Variants in NAALADL2 observed in about 807,000 individuals in gnomAD.
NAALADL2 encodes the protein inactive N-acetylated-alpha-linked acidic dipeptidase-like protein 2.
In NAALADL2, 76 loss-of-function variants were observed where a neutral mutation model predicts 87.2. That is an observed-to-expected ratio of 0.87 (90% CI 0.72 to 1.05). The LOEUF is 1.05. Among genes scored for constraint, NAALADL2 ranks in the 50% least tolerant of loss-of-function variants. The pLI, the probability that NAALADL2 is intolerant of heterozygous loss-of-function variation, is 0.00. For synonymous variants in NAALADL2, 354 were observed against 331.0 expected, an observed-to-expected ratio of 1.07 and a Z score of -0.75; for missense variants, 1,089 against 945.8, an observed-to-expected ratio of 1.15 and a Z score of -1.99.
At chr3:174,640,867 G>A (rs561403625) in intron 2 of NAALADL2, among the ~76,000 whole-genome samples, 9 of 152,270 alleles carry the variant, frequency 5.9e-5, no homozygotes, top group African/African-American at 7.2e-5. Context: ...CATGGACTCC[G>A]GTTTCAAATT....
intron 2 of NAALADL2, among the ~76,000 whole-genome samples, chr3:175,200,253 G>C (rs909930969): frequency 1.3e-5 from 2 of 152,006 alleles, no homozygotes; most frequent in Non-Finnish European, 2.9e-5. Context: ...CTTGATTGTA[G>C]CCTGAGGAAT....
At position 175,785,275 on chromosome 3, in the gene NAALADL2, T is replaced by G. The variant is rs979082866; in HGVS notation, c.2190-17730T>G. The stretch of plus-strand genomic sequence containing the variant: ...GGGTATCCTTGTTGACTTTCTGTCT[T>G]GTTGATCTGTCTAAAGTTGACAGTG... On this transcript the variant is annotated intron_variant, in intron 13 of 13. Coordinates refer to ENST00000454872, the MANE Select transcript of NAALADL2 (RefSeq NM_207015.3). Among the ~76,000 whole-genome samples the G allele has an allele frequency of 4.0e-5, 6 of 150,544 alleles. No individual in the cohort carries two copies. The East Asian group carries it at 1.2e-3, about 29-fold the overall frequency.
chr3:175,217,830 C>T (rs150455217), intron 2 of NAALADL2, among the ~76,000 whole-genome samples: 1 of 152,212 alleles, frequency 6.6e-6, no homozygotes, highest in Non-Finnish European at 1.5e-5. Flanking sequence ...TGAAAATTGG[C>T]TTGAGTTTTG....
At chr3:175,510,053 T>C (rs1730929290) in intron 9 of NAALADL2, among the ~76,000 whole-genome samples, 2 of 145,238 alleles carry the variant, frequency 1.4e-5, no homozygotes, top group South Asian at 2.4e-4. Flanking sequence ...CCTGTGTCCA[T>C]GTGTTCTCAT....
At chr3:175,623,150 T>TA (rs549998836) in intron 10 of NAALADL2, among the ~76,000 whole-genome samples, 3 of 149,240 alleles carry the variant, frequency 2.0e-5, no homozygotes, top group Non-Finnish European at 2.9e-5. Flanking sequence ...AATTTATGCA[T>TA]AAAAAAATGC....
At chr3:175,009,754 A>G (rs908294061) in intron 1 of NAALADL2, among the ~76,000 whole-genome samples, 1 of 152,144 alleles carries the variant, frequency 6.6e-6, no homozygotes, top group Non-Finnish European at 1.5e-5. Flanking sequence ...TAATTCATAT[A>G]TGCCAAAAAT....
chr3:174,833,503 C>G (rs1468476170), intron 3 of NAALADL2, among the ~76,000 whole-genome samples: 2 of 151,946 alleles, frequency 1.3e-5, no homozygotes, highest in African/African-American at 4.8e-5. Flanking sequence ...CAGTTCTGCA[C>G]AAATCTTGGA....
Position 175,617,177 on chromosome 3 carries a change from T to C in NAALADL2, c.1801-10114T>C, listed in dbSNP as rs1449364166. ...GTTAAAGGCTTTCCTGAGATGTCAC[T>C]CACAGTCATGCTAAGGGAGGAGGGG... is the stretch of plus-strand genomic sequence containing the variant. On this transcript the variant is annotated intron_variant, in intron 10 of 13. Coordinates refer to ENST00000454872, the MANE Select transcript of NAALADL2 (RefSeq NM_207015.3). 2.6e-5 allele frequency among the ~76,000 whole-genome samples: 4 copies of C among 152,160 alleles called. No individual in the cohort carries two copies. The East Asian group carries it at 7.7e-4, about 29-fold the overall frequency.
At chr3:175,707,708 T>C (rs144512344) in intron 11 of NAALADL2, among the ~76,000 whole-genome samples, 1 of 152,242 alleles carries the variant, frequency 6.6e-6, no homozygotes, top group Non-Finnish European at 1.5e-5. Flanking sequence ...ATTTATTCAA[T>C]TATTATTAAG....
chr3:175,600,316 T>G (rs776340632), intron 10 of NAALADL2, among the ~76,000 whole-genome samples: 6 of 151,864 alleles, frequency 4.0e-5, no homozygotes, highest in Non-Finnish European at 2.9e-5. Context: ...CTTAAGTTTC[T>G]GAAGAATCAC....
At chr3:174,722,846 T>C (rs1731832058) in intron 2 of NAALADL2, among the ~76,000 whole-genome samples, 1 of 152,236 alleles carries the variant, frequency 6.6e-6, no homozygotes, top group East Asian at 1.9e-4. Context: ...ACCTTGTTTT[T>C]AAAATCACCA....
intron 12 of NAALADL2, among the ~76,000 whole-genome samples, chr3:175,747,145 T>C (rs1244288969): frequency 6.6e-6 from 1 of 152,172 alleles, no homozygotes; most frequent in Admixed American, 6.6e-5. Flanking sequence ...TTTCCCACCA[T>C]TTCTCTTTGA....
chr3:174,869,449 T>C (rs1315072784), intron 1 of NAALADL2, among the ~76,000 whole-genome samples: 2 of 152,202 alleles, frequency 1.3e-5, no homozygotes, highest in African/African-American at 4.8e-5. Flanking sequence ...AGATGAGGAC[T>C]TGGATTCCTA....
intron 11 of NAALADL2, among the ~76,000 whole-genome samples, chr3:175,667,219 G>C (rs868051166): frequency 2.4e-5 from 3 of 124,940 alleles, no homozygotes; most frequent in African/African-American, 1.3e-4. Context: ...AAGAAAGAAA[G>C]AAAGAAAGAA....
chr3:175,713,920 C>A (rs1047739434), intron 11 of NAALADL2, among the ~76,000 whole-genome samples: 1 of 152,062 alleles, frequency 6.6e-6, no homozygotes, highest in African/African-American at 2.4e-5. Flanking sequence ...GTGATGTTCC[C>A]CATCCTATGT....
chr3:175,574,346 C>A (rs1295363197), intron 9 of NAALADL2, among the ~76,000 whole-genome samples: 1 of 152,148 alleles, frequency 6.6e-6, no homozygotes, highest in Non-Finnish European at 1.5e-5. Flanking sequence ...ATTCCCCACT[C>A]AGTTCTCAAT....
At chr3:175,066,163 A>G (rs1714504693) in intron 1 of NAALADL2, among the ~76,000 whole-genome samples, 1 of 152,146 alleles carries the variant, frequency 6.6e-6, no homozygotes, top group South Asian at 2.1e-4. Context: ...AGGTGTGTGA[A>G]AGGAGAGGTT....
intron 9 of NAALADL2, among the ~76,000 whole-genome samples, chr3:175,482,749 C>A (rs964246792): frequency 1.8e-4 from 28 of 151,748 alleles, no homozygotes; most frequent in African/African-American, 6.8e-4. Context: ...CACATTAATA[C>A]TCTATCTGGA....
chr3:174,691,692 A>C (rs1445515304), intron 2 of NAALADL2, among the ~76,000 whole-genome samples: 1 of 152,212 alleles, frequency 6.6e-6, no homozygotes, highest in African/African-American at 2.4e-5. Flanking sequence ...TTTTACCCAT[A>C]GTAAAATTTC....
Sources: allele counts gnomAD v4.1 joint callset (sites outside exome capture counted in the v4.1 genomes callset), GRCh38; gene constraint gnomAD v4.1.1; transcripts MANE v1.5; gene names NCBI Gene and HGNC (gene_info 2026-07-23, HGNC 2026-07-21).